Variants in NAV3 observed in about 807,000 individuals in gnomAD.
NAV3 encodes neuron navigator 3, also known as pore membrane and/or filament interacting like protein 1.
A neutral mutation model predicts 244.7 loss-of-function variants in NAV3; 87 were observed. The observed-to-expected ratio is 0.36, with a 90% CI of 0.30 to 0.42. NAV3 has a LOEUF of 0.42. NAV3 is among the 20% of genes least tolerant of loss of function. The pLI is 1.00. For synonymous variants in NAV3, 1,126 were observed against 1,042.2 expected, an observed-to-expected ratio of 1.08 and a Z score of -1.55; for missense variants, 2,663 against 2,893.3, an observed-to-expected ratio of 0.92 and a Z score of 1.83.
At chr12:77,769,322 T>C (rs929777370) in intron 2 of NAV3, among the ~76,000 whole-genome samples, 1 of 152,228 alleles carries the variant, frequency 6.6e-6, no homozygotes, top group African/African-American at 2.4e-5. Context: ...ATATAATTTC[T>C]AGTATAACCT....
At chr12:78,133,704 G>A (rs960882201) in intron 18 of NAV3, among the ~76,000 whole-genome samples, 13 of 152,064 alleles carry the variant, frequency 8.5e-5, no homozygotes, top group South Asian at 2.1e-4. Flanking sequence ...TTCGTGTGTC[G>A]TTCCCAGCAT....
rs562044645 is a variant in NAV3, at chr12:78,150,291, G to A, written c.4785+1372G>A. Among the ~76,000 whole-genome samples, 3 of 152,000 alleles carry A rather than the reference G, an allele frequency of 2.0e-5. No individual in the cohort carries two copies. In the East Asian group the frequency reaches 5.8e-4, roughly 29 times the overall value. Reference sequence around the variant, plus strand: ...GCAAACCTTATTTATTAGATTGTCAGGATACTTGCAGATGTCTTGAATGAT... The same window carrying A: ...GCAAACCTTATTTATTAGATTGTCAAGATACTTGCAGATGTCTTGAATGAT... On this transcript the variant is annotated intron_variant, in intron 22 of 39. Transcript: ENST00000397909.
At chr12:77,757,997 T>C (rs1869268339) in intron 2 of NAV3, among the ~76,000 whole-genome samples, 2 of 152,220 alleles carry the variant, frequency 1.3e-5, no homozygotes, top group Admixed American at 6.5e-5. Context: ...TTTTCCTTGC[T>C]TACTTTGCTT....
chr12:78,119,145 A>T, intron 14 of NAV3, 92 bp from the exon 15 acceptor site: 2 of 1,196,932 alleles, frequency 1.7e-6, no homozygotes, highest in Non-Finnish European at 2.4e-6. Context: ...GAAATAATAT[A>T]AAGAAGCATT....
chr12:78,205,040 C>T lies in NAV3; in HGVS notation c.6940C>T (p.Leu2314=), dbSNP rs1960142939. The part of the protein sequence containing the change: ...LPQESPALLQ[L]RPEDVGYESC... ...TCAGGAGAGCCCAGCCTTACTTCAGCTGCGACCAGAAGATGTTGGGTATGA... is the reference window on the plus strand; with the variant it reads ...TCAGGAGAGCCCAGCCTTACTTCAGTTGCGACCAGAAGATGTTGGGTATGA... The change falls in exon 39 of 40, where the codon CTG becomes TTG. Residue 2314 remains leucine, a synonymous_variant. Transcript: ENST00000397909. 5 of 1,613,474 alleles carry T rather than the reference C, an allele frequency of 3.1e-6. No individual in the cohort carries two copies. The highest frequency in any genetic ancestry group is 4.2e-6 in the Non-Finnish European group (5 of 1,179,774).
chr12:78,087,152 G>A (rs1953679741), intron 12 of NAV3, among the ~76,000 whole-genome samples: 1 of 151,970 alleles, frequency 6.6e-6, no homozygotes, highest in African/African-American at 2.4e-5. Context: ...TAGAATTAGA[G>A]AAAATTAGCT....
At chr12:78,152,324 T>C (rs1244433234) in intron 22 of NAV3, among the ~76,000 whole-genome samples, 1 of 151,794 alleles carries the variant, frequency 6.6e-6, no homozygotes, top group Non-Finnish European at 1.5e-5. Context: ...TAGATATGTA[T>C]ATAAATGACT....
At chr12:78,037,815 G>A (rs530981517) in intron 9 of NAV3, among the ~76,000 whole-genome samples, 1 of 152,264 alleles carries the variant, frequency 6.6e-6, no homozygotes, top group Non-Finnish European at 1.5e-5. Flanking sequence ...ATTTTCTGTA[G>A]AGTTAAGTTT....
intron 2 of NAV3, among the ~76,000 whole-genome samples, chr12:77,647,473 G>GTT (rs377328525): frequency 2.1e-5 from 3 of 146,152 alleles, no homozygotes; most frequent in African/African-American, 7.5e-5. Flanking sequence ...TTTTGTTTTT[G>GTT]TTTTTTTTTG....
At position 78,050,179 on chromosome 12, in the gene NAV3, G is replaced by T; in HGVS notation, c.2132+78G>T. The T allele has an allele frequency of 3.1e-6, 3 of 966,076 alleles. No homozygotes were observed. In the South Asian group the frequency reaches 4.5e-5, roughly 15 times the overall value. 59.8% of individuals were successfully genotyped at this position (966,076 alleles called of 1,614,324 possible). On this transcript the variant is annotated intron_variant, in intron 10 of 39. Coordinates refer to ENST00000397909, the MANE Select transcript of NAV3 (RefSeq NM_001024383.2). ...ACAAACATTTAACTTTTCTTATAATGACAGAGATGGGATTTCAGTTTCCCC... is the reference window on the plus strand; with the variant it reads ...ACAAACATTTAACTTTTCTTATAATTACAGAGATGGGATTTCAGTTTCCCC...
intron 31 of NAV3, among the ~76,000 whole-genome samples, chr12:78,187,681 A>G (rs1958786072): frequency 6.6e-6 from 1 of 151,926 alleles, no homozygotes; most frequent in East Asian, 1.9e-4. Context: ...TAAATTCAAA[A>G]TGGAACCTGT....
intron 4 of NAV3, 25 bp downstream of exon 4, chr12:77,966,326 T>A (rs778109706): frequency 1.6e-5 from 25 of 1,560,244 alleles, no homozygotes; most frequent in South Asian, 1.6e-4. Flanking sequence ...GACTGAATTG[T>A]CACAAATGGC....
chr12:78,020,475 C>G (rs1240002304), intron 8 of NAV3, among the ~76,000 whole-genome samples: 1 of 152,084 alleles, frequency 6.6e-6, no homozygotes, highest in Non-Finnish European at 1.5e-5. Context: ...AACAGTCTGT[C>G]AGAAATTATT....
chr12:77,983,001 G>T (rs1361341531), intron 5 of NAV3, among the ~76,000 whole-genome samples: 1 of 152,094 alleles, frequency 6.6e-6, no homozygotes, highest in Non-Finnish European at 1.5e-5. Context: ...ACTTCTCAAT[G>T]GAAGGATGAT....
chr12:78,069,839 T>C (rs1952665403), intron 12 of NAV3, among the ~76,000 whole-genome samples: 2 of 152,086 alleles, frequency 1.3e-5, no homozygotes, highest in Non-Finnish European at 2.9e-5. Context: ...CATACACATT[T>C]GGTATTTTTC....
chr12:77,691,989 A>G (rs1237765721), intron 2 of NAV3, among the ~76,000 whole-genome samples: 1 of 151,978 alleles, frequency 6.6e-6, no homozygotes, highest in African/African-American at 2.4e-5. Flanking sequence ...TTTTAACCCT[A>G]TGGCATCACC....
chr12:78,121,916 A>T (rs1179415579), intron 15 of NAV3, 24 bp from the exon 16 acceptor site: 1 of 1,609,720 alleles, frequency 6.2e-7, no homozygotes, highest in African/African-American at 1.3e-5. Flanking sequence ...GAACAACTGA[A>T]GTTGTTATTT....
At chr12:78,109,748 C>A (rs1566144508) in intron 12 of NAV3, among the ~76,000 whole-genome samples, 1 of 151,800 alleles carries the variant, frequency 6.6e-6, no homozygotes, top group Non-Finnish European at 1.5e-5. Flanking sequence ...ATTTCAACAT[C>A]TCTTCATGAA....
chr12:78,194,464 G>A (rs1959115841), intron 34 of NAV3, among the ~76,000 whole-genome samples: 1 of 151,830 alleles, frequency 6.6e-6, no homozygotes, highest in African/African-American at 2.4e-5. Context: ...ATTTTTCAAT[G>A]TTTTCTTATA....
Sources: allele counts gnomAD v4.1 joint callset (sites outside exome capture counted in the v4.1 genomes callset), GRCh38; gene constraint gnomAD v4.1.1; transcripts MANE v1.5; gene names NCBI Gene and HGNC (gene_info 2026-07-23, HGNC 2026-07-21).